The following ZNF385D variants were observed in gnomAD, a reference collection of about 807,000 sequenced individuals.
ZNF385D encodes zinc finger protein 659.
ZNF385D carries 15 observed loss-of-function variants against 35.8 expected under a neutral mutation model. That is an observed-to-expected ratio of 0.42 (90% CI 0.28 to 0.64). The LOEUF is 0.64. ZNF385D is among the 30% of genes least tolerant of loss of function. The pLI is 0.23. For synonymous variants in ZNF385D, 212 were observed against 186.8 expected (o/e 1.13, Z -1.10); for missense variants, 474 against 494.6 (o/e 0.96, Z 0.39).
At chr3:21,732,994 G>C (rs2069086452) in intron 1 of ZNF385D, among the ~76,000 whole-genome samples, 1 of 152,074 alleles carries the variant, frequency 6.6e-6, no homozygotes, top group Non-Finnish European at 1.5e-5. Flanking sequence ...TTTCTTCTAT[G>C]TTATTTTCCA....
At chr3:22,007,766 T>C (rs1017479337) in intron 3 of ZNF385D, among the ~76,000 whole-genome samples, 1 of 151,988 alleles carries the variant, frequency 6.6e-6, no homozygotes, top group Non-Finnish European at 1.5e-5. Context: ...AGAGCCATTT[T>C]TGTGTTTTAT....
chr3:22,259,141 G>A (rs943527036), intron 2 of ZNF385D, among the ~76,000 whole-genome samples: 2 of 151,726 alleles, frequency 1.3e-5, no homozygotes, highest in East Asian at 1.9e-4. Flanking sequence ...GTAACATCAT[G>A]TATCTCTCAT....
At chr3:22,236,498 T>G (rs959184253) in intron 2 of ZNF385D, among the ~76,000 whole-genome samples, 1 of 152,144 alleles carries the variant, frequency 6.6e-6, no homozygotes, top group Non-Finnish European at 1.5e-5. Flanking sequence ...CATGCATGAA[T>G]TGAAAATTTT....
intron 2 of ZNF385D, among the ~76,000 whole-genome samples, chr3:22,247,876 C>A (rs1315550023): frequency 5.3e-5 from 8 of 151,970 alleles, no homozygotes. Context: ...GTCCTGGGAT[C>A]ATAGGGGTGA....
chr3:21,712,032 T>A (rs1019702331), intron 1 of ZNF385D, among the ~76,000 whole-genome samples: 2 of 152,230 alleles, frequency 1.3e-5, no homozygotes, highest in Non-Finnish European at 2.9e-5. Context: ...GGTGAAGGAT[T>A]TGAAACCTTT....
At chr3:21,542,426 C>T (rs561079683) in intron 3 of ZNF385D, among the ~76,000 whole-genome samples, 2 of 151,376 alleles carry the variant, frequency 1.3e-5, no homozygotes, top group East Asian at 2.0e-4. Flanking sequence ...GTACCCATTG[C>T]AACCTCGAAC....
rs2070479552 is a variant in ZNF385D at position 21,759,001 on chromosome 3, A to AAAC, written c.326-93974_326-93973insGTT. Among the ~76,000 whole-genome samples the AAAC allele has an allele frequency of 6.0e-5, 8 of 133,224 alleles. 1 individual carries two copies. The highest frequency in any genetic ancestry group is 1.5e-4 in the African/African-American group (5 of 33,952). The allele number at this position is 133,224 out of a possible 152,430, so 87.4% of individuals were successfully genotyped here. A position where few individuals can be genotyped will look rare whatever the true frequency, so the allele number is the denominator to read the frequency against. ...AAAAAAAAAAAAAAAAAAAAAAAAA[A>AAAC]AAAAACAGTGGTGATGCTATTGTAA... On this transcript the variant is annotated intron_variant, in intron 3 of 5. Transcript: ENST00000494108.
At chr3:22,159,839 G>A (rs1450550998) in intron 3 of ZNF385D, among the ~76,000 whole-genome samples, 1 of 152,022 alleles carries the variant, frequency 6.6e-6, no homozygotes, top group Non-Finnish European at 1.5e-5. Context: ...CCCCTCGGCT[G>A]AACTTCTGAA....
At position 21,964,636 on chromosome 3, in the gene ZNF385D, C is replaced by T. The variant is rs537484727; in HGVS notation, c.325+204181G>A. Among the ~76,000 whole-genome samples, 7 of 151,698 alleles carry T rather than the reference C, an allele frequency of 4.6e-5. No individual in the cohort carries two copies. The South Asian group carries it at 1.5e-3, about 32-fold the overall frequency. ...TCCTGAGTAACTGGGTTTACAGGTG[C>T]CTGCCACCATGCCCTGCTAATTTTT... On this transcript the variant is annotated intron_variant, in intron 3 of 5. Transcript: ENST00000494108.
intron 4 of ZNF385D, among the ~76,000 whole-genome samples, chr3:21,466,823 A>C (rs1197698810): frequency 6.6e-6 from 1 of 152,208 alleles, no homozygotes; most frequent in Non-Finnish European, 1.5e-5. Flanking sequence ...TAACTAAAGA[A>C]AAATTCAGAG....
At chr3:21,635,597 CA>C (rs1553627708) in intron 2 of ZNF385D, among the ~76,000 whole-genome samples, 1 of 151,818 alleles carries the variant, frequency 6.6e-6, no homozygotes, top group African/African-American at 2.4e-5. Flanking sequence ...TTTGGGGGAA[CA>C]GGGGGTGTTT....
intron 3 of ZNF385D, among the ~76,000 whole-genome samples, chr3:21,903,795 CTT>C (rs1699536375): frequency 6.6e-6 from 1 of 152,020 alleles, no homozygotes; most frequent in African/African-American, 2.4e-5. Flanking sequence ...GCATTCAAGA[CTT>C]TGTGCAGTCA....
At chr3:21,537,048 G>A (rs1312136499) in intron 3 of ZNF385D, among the ~76,000 whole-genome samples, 1 of 146,678 alleles carries the variant, frequency 6.8e-6, no homozygotes, top group Non-Finnish European at 1.5e-5. Flanking sequence ...TAATCAAGAT[G>A]AATAACATTT....
intron 5 of ZNF385D, among the ~76,000 whole-genome samples, chr3:21,434,746 T>C (rs1390221671): frequency 6.6e-6 from 1 of 152,134 alleles, no homozygotes; most frequent in African/African-American, 2.4e-5. Context: ...AGCTCTAAAA[T>C]GAGCATTAGG....
At chr3:21,832,092 C>T (rs895470328) in intron 3 of ZNF385D, among the ~76,000 whole-genome samples, 8 of 152,106 alleles carry the variant, frequency 5.3e-5, no homozygotes, top group Non-Finnish European at 8.8e-5. Flanking sequence ...AATTTGTTCA[C>T]GTATTTCTCT....
chr3:21,515,842 G>C (rs1707522890), intron 3 of ZNF385D, among the ~76,000 whole-genome samples: 1 of 152,046 alleles, frequency 6.6e-6, no homozygotes, highest in Non-Finnish European at 1.5e-5. Flanking sequence ...CTAAAATGTA[G>C]GCTTAGTTAC....
chr3:22,148,901 C>T (rs1386925803), intron 3 of ZNF385D, among the ~76,000 whole-genome samples: 1 of 152,162 alleles, frequency 6.6e-6, no homozygotes, highest in South Asian at 2.1e-4. Flanking sequence ...GATGAGATGA[C>T]ATGAACCACA....
At chr3:21,872,958 A>G (rs1426461580) in intron 3 of ZNF385D, among the ~76,000 whole-genome samples, 1 of 152,146 alleles carries the variant, frequency 6.6e-6, no homozygotes, top group Admixed American at 6.6e-5. Flanking sequence ...ACAGGATGAC[A>G]CAACTGTTAC....
intron 1 of ZNF385D, among the ~76,000 whole-genome samples, chr3:21,705,637 G>A (rs1317442558): frequency 6.6e-6 from 1 of 152,044 alleles, no homozygotes; most frequent in East Asian, 1.9e-4. Context: ...TTACACCTGG[G>A]GAAATTAAAA....
Sources: gnomAD v4.1 joint callset for allele counts (sites outside exome capture counted in the v4.1 genomes callset) on GRCh38, gnomAD v4.1.1 for gene constraint, MANE v1.5 for transcripts, NCBI Gene and HGNC (gene_info 2026-07-23, HGNC 2026-07-21) for gene names.